The following PHACTR3 variants were observed in gnomAD, a reference collection of about 807,000 sequenced individuals.
PHACTR3 encodes the protein phosphatase and actin regulator 3, also known as protein phosphatase 1, regulatory subunit 123.
In PHACTR3, 16 loss-of-function variants were observed where a neutral mutation model predicts 66.8. That is an observed-to-expected ratio of 0.24 (90% CI 0.16 to 0.36). The LOEUF (loss-of-function observed/expected upper bound fraction) is 0.36, where lower values mean the gene tolerates loss of function less well. Ranked by LOEUF, PHACTR3 falls within the 10% of genes least tolerant of loss-of-function variation. PHACTR3 has a pLI of 1.00. For missense variants in PHACTR3, 647 were observed against 719.9 expected (o/e 0.90, Z 1.16); for synonymous variants, 323 against 292.1 (o/e 1.11, Z -1.08).
At chr20:59,791,845 G>T (rs947024085) in intron 7 of PHACTR3, among the ~76,000 whole-genome samples, 1 of 151,046 alleles carries the variant, frequency 6.6e-6, no homozygotes, top group Admixed American at 6.6e-5. Flanking sequence ...CAAACAGGTG[G>T]TATACTCAGT....
At chr20:59,647,828 G>A (rs2035336200) in intron 1 of PHACTR3, among the ~76,000 whole-genome samples, 1 of 152,188 alleles carries the variant, frequency 6.6e-6, no homozygotes, top group South Asian at 2.1e-4. Flanking sequence ...ATCTCAATGA[G>A]GTGCTTGGCC....
intron 1 of PHACTR3, among the ~76,000 whole-genome samples, chr20:59,656,985 A>G (rs1458504003): frequency 6.6e-6 from 1 of 152,008 alleles, no homozygotes; most frequent in Non-Finnish European, 1.5e-5. Flanking sequence ...TACAAACTTT[A>G]CAATACATTG....
intron 4 of PHACTR3, among the ~76,000 whole-genome samples, chr20:59,765,295 A>G (rs1189727015): frequency 6.6e-6 from 1 of 152,246 alleles, no homozygotes; most frequent in Non-Finnish European, 1.5e-5. Flanking sequence ...ACTTTTGAGG[A>G]CAGTTTAATG....
At chr20:59,630,426 G>A (rs917290662) in intron 1 of PHACTR3, among the ~76,000 whole-genome samples, 18 of 152,192 alleles carry the variant, frequency 1.2e-4, no homozygotes, top group African/African-American at 2.4e-4. Flanking sequence ...CAGGTGATCC[G>A]CCCGCCTAGG....
At chr20:59,622,996 A>AAAAAAAAAAAAAAAAAAAAAC (rs1568940612) in intron 1 of PHACTR3, among the ~76,000 whole-genome samples, 5 of 146,536 alleles carry the variant, frequency 3.4e-5, no homozygotes, top group African/African-American at 1.3e-4. Context: ...AAAAAAAAAA[A>AAAAAAAAAAAAAAAAAAAAAC]AAAAACCCAA....
At chr20:59,681,881 A>G (rs6513453) in intron 1 of PHACTR3, among the ~76,000 whole-genome samples, 1,915 of 152,164 alleles carry the variant, frequency 0.013, 44 homozygotes, top group African/African-American at 0.044. Flanking sequence ...GTGGTGGCAC[A>G]TGCCTTTAAT....
At chr20:59,630,921 CAG>C (rs1021339928) in intron 1 of PHACTR3, among the ~76,000 whole-genome samples, 4 of 151,938 alleles carry the variant, frequency 2.6e-5, no homozygotes, top group Admixed American at 2.6e-4. Flanking sequence ...GATGGGTAGA[CAG>C]GGGTGGTTGG....
At chr20:59,833,857 G>A (rs1287156913) in intron 8 of PHACTR3, among the ~76,000 whole-genome samples, 4 of 152,196 alleles carry the variant, frequency 2.6e-5, no homozygotes, top group Non-Finnish European at 4.4e-5. Flanking sequence ...AGAAGGGGCT[G>A]CTGGAAAGAG....
intron 1 of PHACTR3, among the ~76,000 whole-genome samples, chr20:59,608,186 T>G (rs2033727962): frequency 6.6e-6 from 1 of 152,216 alleles, no homozygotes; most frequent in Non-Finnish European, 1.5e-5. Context: ...TGATTGCTAG[T>G]GAGCATGAGT....
intron 1 of PHACTR3, among the ~76,000 whole-genome samples, chr20:59,687,190 A>G (rs537933005): frequency 1.3e-5 from 2 of 149,906 alleles, no homozygotes; most frequent in South Asian, 4.2e-4. Context: ...AGTGGTGATG[A>G]CGATGATGAT....
intron 1 of PHACTR3, among the ~76,000 whole-genome samples, chr20:59,681,179 A>C (rs1358896463): frequency 1.3e-5 from 2 of 152,190 alleles, no homozygotes; most frequent in African/African-American, 4.8e-5. Flanking sequence ...CACACAACTG[A>C]AAATATTTAC....
chr20:59,653,820 A>T (rs2035533373), intron 1 of PHACTR3, among the ~76,000 whole-genome samples: 1 of 152,182 alleles, frequency 6.6e-6, no homozygotes, highest in African/African-American at 2.4e-5. Flanking sequence ...TTGCTCTTAA[A>T]ATATCTATTT....
At chr20:59,606,301 C>T (rs2033667242) in intron 1 of PHACTR3, among the ~76,000 whole-genome samples, 1 of 47,700 alleles carries the variant, frequency 2.1e-5, no homozygotes, top group Admixed American at 2.8e-4. Context: ...GCACTGGATC[C>T]CTCCCCCCCC....
intron 7 of PHACTR3, among the ~76,000 whole-genome samples, chr20:59,804,878 C>T (rs577864021): frequency 6.6e-6 from 1 of 152,330 alleles, no homozygotes; most frequent in Admixed American, 6.5e-5. Flanking sequence ...GAGTTGACTT[C>T]CTTTTAGGTA....
At chr20:59,777,060 C>T (rs1188217022) in intron 7 of PHACTR3, among the ~76,000 whole-genome samples, 1 of 152,168 alleles carries the variant, frequency 6.6e-6, no homozygotes, top group Non-Finnish European at 1.5e-5. Context: ...GTCGTGCTCC[C>T]TGCGAGTGCT....
chr20:59,682,071 G>A (rs2036679375), intron 1 of PHACTR3, among the ~76,000 whole-genome samples: 1 of 152,038 alleles, frequency 6.6e-6, no homozygotes, highest in African/African-American at 2.4e-5. Flanking sequence ...TGGACGCGGT[G>A]GCTCATGCCT....
chr20:59,694,155 CTCTA>C (rs1165960060), intron 1 of PHACTR3, among the ~76,000 whole-genome samples: 3 of 152,314 alleles, frequency 2.0e-5, no homozygotes, highest in Admixed American at 1.3e-4. Context: ...GAGATGCAGA[CTCTA>C]TCTGTCTTTC....
intron 8 of PHACTR3, among the ~76,000 whole-genome samples, chr20:59,835,277 CAG>C (rs1491216520): frequency 7.5e-4 from 7 of 9,342 alleles, no homozygotes; most frequent in African/African-American, 7.0e-3. Context: ...CAGGAATTGT[CAG>C]GGGGGGAGGT....
intron 1 of PHACTR3, among the ~76,000 whole-genome samples, chr20:59,679,195 A>C (rs1395429446): frequency 6.6e-6 from 1 of 152,222 alleles, no homozygotes; most frequent in Non-Finnish European, 1.5e-5. Context: ...ACTTGATTGA[A>C]AAAGAAATTA....
Sources: gnomAD v4.1 joint callset for allele counts (sites outside exome capture counted in the v4.1 genomes callset) on GRCh38, gnomAD v4.1.1 for gene constraint, MANE v1.5 for transcripts, NCBI Gene and HGNC (gene_info 2026-07-23, HGNC 2026-07-21) for gene names.